BMPR1B: variants seen among roughly 807,000 people sequenced by gnomAD.
The protein encoded by BMPR1B is bone morphogenetic protein receptor type-1B.
Under a neutral mutation model 59.1 loss-of-function variants are expected in BMPR1B, and 12 were observed. The observed-to-expected ratio is 0.20, with a 90% CI of 0.13 to 0.33. The LOEUF is 0.33. BMPR1B is among the 10% of genes least tolerant of loss of function. BMPR1B has a pLI of 1.00. For missense variants in BMPR1B, 550 were observed against 610.9 expected, an observed-to-expected ratio of 0.90 and a Z score of 1.05; for synonymous variants, 237 against 207.3, an observed-to-expected ratio of 1.14 and a Z score of -1.23.
rs1728090943 is a variant in BMPR1B, at chr4:95,069,251, C to T, written c.-17-35157C>T. 2.6e-5 allele frequency among the ~76,000 whole-genome samples: 4 copies of T among 152,198 alleles called. 1 individual carries two copies. In the South Asian group the frequency reaches 8.3e-4, roughly 31 times the overall value. The stretch of plus-strand genomic sequence containing the variant: ...TATAACAACAATCTCCTGACTGGCT[C>T]TCTGCTTTGGTTTTTGCTCTCTATA... On this transcript the variant is annotated intron_variant, in intron 3 of 12. Transcript: ENST00000515059.
Position 95,062,455 on chromosome 4 carries a change from G to A in BMPR1B, c.-17-41953G>A, listed in dbSNP as rs188450033. ...CCTAAAATATCTCATTATCTGAGGT[G>A]AGAAGGGGACAAAGTAGAGGAACAC... On this transcript the variant is annotated intron_variant, in intron 3 of 12. Transcript: ENST00000515059. Among the ~76,000 whole-genome samples the A allele has an allele frequency of 2.7e-4, 41 of 152,298 alleles. No individual in the cohort carries two copies. In the East Asian group the frequency reaches 5.6e-3, roughly 21 times the overall value.
chr4:95,136,391 C>A (rs774943099), intron 10 of BMPR1B, among the ~76,000 whole-genome samples: 1 of 152,078 alleles, frequency 6.6e-6, no homozygotes, highest in Non-Finnish European at 1.5e-5. Context: ...TGTGTCTCTG[C>A]CAGGCTTTGG....
At chr4:95,020,780 A>T (rs1344551805) in intron 3 of BMPR1B, among the ~76,000 whole-genome samples, 2 of 152,144 alleles carry the variant, frequency 1.3e-5, no homozygotes, top group African/African-American at 4.8e-5. Flanking sequence ...TGCAGCCTCC[A>T]ACTCCAGCCT....
intron 3 of BMPR1B, among the ~76,000 whole-genome samples, chr4:95,085,088 C>T (rs1332168328): frequency 1.3e-5 from 2 of 152,182 alleles, no homozygotes; most frequent in Non-Finnish European, 1.5e-5. Flanking sequence ...GTTCTCATCC[C>T]CTTTCTTCCC....
At chr4:95,121,955 C>A (rs574252035) in intron 6 of BMPR1B, among the ~76,000 whole-genome samples, 1 of 152,038 alleles carries the variant, frequency 6.6e-6, no homozygotes, top group Admixed American at 6.6e-5. Flanking sequence ...AACAAAGAAG[C>A]CTTATGGCAG....
intron 12 of BMPR1B, 105 bp from the exon 13 acceptor site, chr4:95,154,443 T>G (rs1449992330): frequency 1.3e-6 from 2 of 1,521,600 alleles, no homozygotes; most frequent in Non-Finnish European, 9.0e-7. Context: ...TAAGGGTACC[T>G]TTTAAAAATA....
At chr4:94,841,050 G>C (rs893096642) in intron 1 of BMPR1B, among the ~76,000 whole-genome samples, 1 of 147,946 alleles carries the variant, frequency 6.8e-6, no homozygotes, top group African/African-American at 2.5e-5. Flanking sequence ...CCCCTGCTAG[G>C]GGGTGCCTCC....
intron 2 of BMPR1B, among the ~76,000 whole-genome samples, chr4:94,964,837 C>T (rs1207479527): frequency 6.6e-6 from 1 of 152,140 alleles, no homozygotes. Flanking sequence ...GTCTTAAACG[C>T]TTTCAGTGTT....
intron 2 of BMPR1B, among the ~76,000 whole-genome samples, chr4:94,927,641 A>T (rs1728941670): frequency 6.6e-6 from 1 of 152,108 alleles, no homozygotes; most frequent in African/African-American, 2.4e-5. Flanking sequence ...GCAAGCCTGA[A>T]ATCGTTGTGC....
chr4:95,152,856 T>C (rs990078815), intron 12 of BMPR1B, 83 bp downstream of exon 12: 5 of 1,528,654 alleles, frequency 3.3e-6, no homozygotes, highest in South Asian at 1.2e-5. Context: ...ATATTGATTG[T>C]AGGAATTCTT....
chr4:95,035,733 T>C (rs1451379350), intron 3 of BMPR1B, among the ~76,000 whole-genome samples: 2 of 152,222 alleles, frequency 1.3e-5, no homozygotes, highest in Non-Finnish European at 2.9e-5. Context: ...AGATTTGTTC[T>C]TTTTTCTTAG....
rs114972647 is a variant in BMPR1B, at chr4:94,947,649, A to G, written c.-112-48391A>G. 6.4e-3 allele frequency among the ~76,000 whole-genome samples: 967 copies of G among 152,258 alleles called. 9 individuals are homozygous for G. Among genetic ancestry groups the G allele is most frequent in the African/African-American group, 0.021 (889 of 41,548 alleles). ...GTAAAGCGTTTGCTAGACAGACAGGATTTTGGAGTCATGTCACATACCTTT... is the reference window on the plus strand; with the variant it reads ...GTAAAGCGTTTGCTAGACAGACAGGGTTTTGGAGTCATGTCACATACCTTT... On this transcript the variant is annotated intron_variant, in intron 2 of 12. Coordinates refer to ENST00000515059, the MANE Select transcript of BMPR1B (RefSeq NM_001203.3).
At chr4:95,096,749 A>AGAGGCATATATAAC (rs1730411708) in intron 3 of BMPR1B, among the ~76,000 whole-genome samples, 2 of 18,134 alleles carry the variant, frequency 1.1e-4, no homozygotes, top group Non-Finnish European at 4.0e-4. Flanking sequence ...ATATAACTAT[A>AGAGGCATATATAAC]TATAGTTATA....
At chr4:95,066,369 T>A (rs1425340875) in intron 3 of BMPR1B, among the ~76,000 whole-genome samples, 1 of 126,240 alleles carries the variant, frequency 7.9e-6, no homozygotes, top group Non-Finnish European at 1.9e-5. Flanking sequence ...CTCAGGGCCA[T>A]GGCCATTACT....
intron 1 of BMPR1B, among the ~76,000 whole-genome samples, chr4:94,843,324 C>G (rs1725174108): frequency 6.6e-6 from 1 of 152,148 alleles, no homozygotes; most frequent in Non-Finnish European, 1.5e-5. Context: ...CATAGATTCT[C>G]CTGGTTTGAA....
chr4:95,064,737 T>A (rs1445919591), intron 3 of BMPR1B, among the ~76,000 whole-genome samples: 3 of 152,116 alleles, frequency 2.0e-5, no homozygotes. Flanking sequence ...CAGCAGACAT[T>A]TCTCCAAAGA....
intron 1 of BMPR1B, among the ~76,000 whole-genome samples, chr4:94,862,157 T>G (rs1344826132): frequency 1.3e-5 from 2 of 151,644 alleles, no homozygotes; most frequent in African/African-American, 4.8e-5. Flanking sequence ...TGTTTTTTTT[T>G]GTTGTTTTTT....
At chr4:94,824,364 T>C (rs909410488) in intron 1 of BMPR1B, among the ~76,000 whole-genome samples, 1 of 152,194 alleles carries the variant, frequency 6.6e-6, no homozygotes, top group Non-Finnish European at 1.5e-5. Flanking sequence ...ACTTATTATA[T>C]GGTTCTTGTC....
At chr4:95,144,863 G>A (rs903073201) in intron 10 of BMPR1B, among the ~76,000 whole-genome samples, 17 of 152,038 alleles carry the variant, frequency 1.1e-4, no homozygotes, top group Non-Finnish European at 2.1e-4. Context: ...GTTCTCCTTC[G>A]TAGCAGCTCA....
Sources: gnomAD v4.1 joint callset for allele counts (sites outside exome capture counted in the v4.1 genomes callset) on GRCh38, gnomAD v4.1.1 for gene constraint, MANE v1.5 for transcripts, NCBI Gene and HGNC (gene_info 2026-07-23, HGNC 2026-07-21) for gene names.